The following TTBK2 variants were observed in gnomAD, a reference collection of about 807,000 sequenced individuals.
TTBK2 encodes tau-tubulin kinase 2.
A neutral mutation model predicts 110.8 loss-of-function variants in TTBK2; 28 were observed. The observed-to-expected ratio is 0.25, with a 90% confidence interval of 0.19 to 0.35. The LOEUF (loss-of-function observed/expected upper bound fraction) is 0.35. Ranked by LOEUF, TTBK2 falls within the 10% of genes least tolerant of loss-of-function variation. The pLI, the probability that TTBK2 is intolerant of heterozygous loss-of-function variation, is 1.00. For missense variants in TTBK2, 1,369 were observed against 1,500.3 expected, an observed-to-expected ratio of 0.91 and a Z score of 1.45; for synonymous variants, 532 against 527.3, an observed-to-expected ratio of 1.01 and a Z score of -0.12.
At chr15:42,834,183 CAA>C (rs1261600493) in intron 4 of TTBK2, among the ~76,000 whole-genome samples, 13 of 39,014 alleles carry the variant, frequency 3.3e-4, no homozygotes, top group East Asian at 1.0e-3. Flanking sequence ...GACCCCATCT[CAA>C]AAAAAAAAAA....
intron 9 of TTBK2, among the ~76,000 whole-genome samples, chr15:42,797,907 G>A (rs921960481): frequency 2.0e-5 from 3 of 150,970 alleles, no homozygotes; most frequent in African/African-American, 7.3e-5. Flanking sequence ...TTTTTGAGAC[G>A]GAGTCTCACT....
intron 9 of TTBK2, among the ~76,000 whole-genome samples, chr15:42,795,755 A>G (rs1404669882): frequency 6.6e-6 from 1 of 150,584 alleles, no homozygotes; most frequent in African/African-American, 2.4e-5. Context: ...AGGCATGAGA[A>G]TTGCTTGAAC....
intron 6 of TTBK2, among the ~76,000 whole-genome samples, chr15:42,823,642 T>C (rs1049459648): frequency 1.3e-5 from 2 of 152,196 alleles, no homozygotes; most frequent in Non-Finnish European, 1.5e-5. Context: ...TTTGTACTGC[T>C]ACAAAACAAG....
chr15:42,801,683 A>ACGTT, intron 9 of TTBK2: 1 of 895,276 alleles, frequency 1.1e-6, no homozygotes, highest in South Asian at 1.3e-5. Context: ...GAACAGCACC[A>ACGTT]CAGATGTATC....
chr15:42,889,500 G>A (rs1175330148), intron 1 of TTBK2, among the ~76,000 whole-genome samples: 10 of 152,052 alleles, frequency 6.6e-5, no homozygotes, highest in Admixed American at 2.6e-4. Context: ...ACCCCTTACC[G>A]TCCTCAATCT....
At chr15:42,840,951 T>C (rs1046667684) in intron 3 of TTBK2, among the ~76,000 whole-genome samples, 4 of 152,050 alleles carry the variant, frequency 2.6e-5, no homozygotes, top group Non-Finnish European at 5.9e-5. Context: ...GGCTGGGGCA[T>C]AGAGGGGAGC....
At position 42,756,865 on chromosome 15, in the gene TTBK2, C is replaced by CAA. The variant is rs200664379; in HGVS notation, c.1999-3620_1999-3619dup. ...TGGGCAACATAGCAATACCCCACCT[C>CAA]AAAAAAAACAAAAACAAAAACAAAA... On this transcript the variant is annotated intron_variant, in intron 13 of 14. Transcript: ENST00000267890. 2.5e-3 allele frequency among the ~76,000 whole-genome samples: 367 copies of CAA among 149,360 alleles called. 6 individuals are homozygous for CAA. The East Asian group carries it at 0.035, about 14-fold the overall frequency.
chr15:42,859,892 A>T (rs751091175), intron 3 of TTBK2, among the ~76,000 whole-genome samples: 17 of 152,262 alleles, frequency 1.1e-4, no homozygotes, highest in Admixed American at 2.6e-4. Flanking sequence ...CCTAAGAAAG[A>T]ACGAAAAGAA....
rs1440869025 is a variant in TTBK2, at chr15:42,866,107, G to A, written c.217+6504C>T. ...TAAATATTGCTATATTAATTTGACA[G>A]AGCAGGCTGTATGTCAAGAAAAATG... On this transcript the variant is annotated intron_variant, in intron 3 of 14. Transcript: ENST00000267890. Among the ~76,000 whole-genome samples the A allele has an allele frequency of 2.6e-5, 4 of 152,070 alleles. No homozygotes were observed. In the East Asian group the frequency reaches 7.7e-4, roughly 29 times the overall value.
intron 1 of TTBK2, among the ~76,000 whole-genome samples, chr15:42,916,022 A>AAG (rs939276546): frequency 6.6e-5 from 10 of 152,178 alleles, no homozygotes; most frequent in African/African-American, 2.4e-4. Flanking sequence ...GAAAAAAGAA[A>AAG]AGAGAGAGAG....
chr15:42,784,425 C>G (rs1157107203), intron 10 of TTBK2, among the ~76,000 whole-genome samples: 1 of 151,904 alleles, frequency 6.6e-6, no homozygotes, highest in Non-Finnish European at 1.5e-5. Context: ...TTACAGGCGC[C>G]CACCACCACA....
intron 3 of TTBK2, among the ~76,000 whole-genome samples, chr15:42,857,864 C>T (rs1315572134): frequency 1.3e-5 from 2 of 151,908 alleles, no homozygotes; most frequent in Non-Finnish European, 2.9e-5. Context: ...AGGTGGATCA[C>T]CTGAGATCAC....
chr15:42,766,926 A>G (rs1381986655), intron 13 of TTBK2, among the ~76,000 whole-genome samples: 1 of 152,236 alleles, frequency 6.6e-6, no homozygotes, highest in Non-Finnish European at 1.5e-5. Flanking sequence ...AAATTATAAC[A>G]AACTGTCTCT....
chr15:42,845,260 T>C (rs560509553), intron 3 of TTBK2, among the ~76,000 whole-genome samples: 29 of 152,188 alleles, frequency 1.9e-4, no homozygotes, highest in Middle Eastern at 3.4e-3. Flanking sequence ...AAAAGTAAGC[T>C]AAAACCTTAT....
intron 9 of TTBK2, chr15:42,800,329 T>G: frequency 2.3e-6 from 1 of 436,314 alleles, no homozygotes; most frequent in Non-Finnish European, 4.5e-6. Flanking sequence ...CTACCTAAAA[T>G]ACCCTTATTC....
intron 3 of TTBK2, among the ~76,000 whole-genome samples, chr15:42,852,880 T>C (rs1893776903): frequency 6.6e-6 from 1 of 152,190 alleles, no homozygotes; most frequent in Non-Finnish European, 1.5e-5. Flanking sequence ...AAAGAGTAGA[T>C]TATATGTTTA....
chr15:42,814,629 T>C (rs1260383485), intron 7 of TTBK2, among the ~76,000 whole-genome samples: 3 of 152,204 alleles, frequency 2.0e-5, no homozygotes, highest in African/African-American at 7.2e-5. Flanking sequence ...GTATTATTTT[T>C]AGATATTATC....
intron 10 of TTBK2, among the ~76,000 whole-genome samples, chr15:42,793,578 G>C (rs1890795545): frequency 6.6e-6 from 1 of 152,048 alleles, no homozygotes. Context: ...GGCCGGCGCA[G>C]TGGCTCACGC....
intron 4 of TTBK2, among the ~76,000 whole-genome samples, chr15:42,832,729 T>C (rs1892812438): frequency 6.6e-6 from 1 of 152,176 alleles, no homozygotes; most frequent in Non-Finnish European, 1.5e-5. Context: ...ACCATCCTGC[T>C]CCGTCAGGCC....
Sources: gnomAD v4.1 joint callset for allele counts (sites outside exome capture counted in the v4.1 genomes callset) on GRCh38, gnomAD v4.1.1 for gene constraint, MANE v1.5 for transcripts, NCBI Gene and HGNC (gene_info 2026-07-23, HGNC 2026-07-21) for gene names.